The following STEAP1B variants were observed in gnomAD, a reference collection of about 807,000 sequenced individuals.
The protein encoded by STEAP1B is STEAP family member 1B.
In STEAP1B, 13 loss-of-function variants were observed where a neutral mutation model predicts 27.9. The observed-to-expected ratio is 0.47, with a 90% confidence interval of 0.30 to 0.74. The LOEUF (loss-of-function observed/expected upper bound fraction) is 0.74, where lower values mean the gene tolerates loss of function less well. STEAP1B is among the 30% of genes least tolerant of loss of function. STEAP1B has a pLI of 0.06. For missense variants in STEAP1B, 250 were observed against 298.7 expected (o/e 0.84, Z 1.20); for synonymous variants, 86 against 107.1 (o/e 0.80, Z 1.22).
chr7:22,478,376 G>A (rs1014490127), intron 4 of STEAP1B, among the ~76,000 whole-genome samples: 7 of 152,154 alleles, frequency 4.6e-5, no homozygotes, highest in African/African-American at 1.2e-4. Flanking sequence ...CAAGATAAGC[G>A]GTTCTTCCAG....
At chr7:22,457,758 T>G (rs1338343475) in intron 4 of STEAP1B, among the ~76,000 whole-genome samples, 2 of 152,214 alleles carry the variant, frequency 1.3e-5, no homozygotes, top group African/African-American at 4.8e-5. Context: ...ATGGGAAAGT[T>G]TTAAACTTTG....
At chr7:22,421,391 G>A (rs766728354) in intron 4 of STEAP1B, among the ~76,000 whole-genome samples, 1 of 152,242 alleles carries the variant, frequency 6.6e-6, no homozygotes, top group Non-Finnish European at 1.5e-5. Context: ...TGTCTTGTGA[G>A]ACAAATATTT....
At chr7:22,428,839 T>C (rs1327885134) in intron 4 of STEAP1B, among the ~76,000 whole-genome samples, 1 of 152,048 alleles carries the variant, frequency 6.6e-6, no homozygotes, top group Non-Finnish European at 1.5e-5. Flanking sequence ...TACATATGAC[T>C]AAGGTGAGTT....
At chr7:22,484,748 T>C (rs140056002) in intron 4 of STEAP1B, among the ~76,000 whole-genome samples, 1 of 152,322 alleles carries the variant, frequency 6.6e-6, no homozygotes, top group Non-Finnish European at 1.5e-5. Context: ...TCTGGAAAGA[T>C]TTACCATTTT....
At chr7:22,492,397 A>C (rs1310660691) in intron 4 of STEAP1B, 168 bp downstream of exon 4, 2 of 770,522 alleles carry the variant, frequency 2.6e-6, no homozygotes, top group Non-Finnish European at 3.5e-6. Flanking sequence ...TGTCCTAATT[A>C]GAAGCAATAG....
Position 22,493,338 on chromosome 7 carries a change from A to G in STEAP1B, c.583T>C (p.Trp195Arg), listed in dbSNP as rs147204953. Residue 195 changes from tryptophan to arginine, a missense_variant, in exon 3 of 5, where the codon TGG becomes CGG. Physicochemically the swap from Trp to Arg is moderately radical, Grantham distance 101. Transcript: ENST00000678116. Reference sequence around the variant, plus strand: ...TGTCATCTCACCTGTTGATATGCCCAGTTTAGCAACTTGTATCTGTAGGAT... The same window carrying G: ...TGTCATCTCACCTGTTGATATGCCCGGTTTAGCAACTTGTATCTGTAGGAT... Reference protein sequence around the residue: ...RRSYRYKLLNWAYQQVQQNKE... With the variant: ...RRSYRYKLLNRAYQQVQQNKE... 1.2e-6 allele frequency: 2 copies of G among 1,612,376 alleles called. No individual in the cohort carries two copies. The highest frequency in any genetic ancestry group is 1.7e-6 in the Non-Finnish European group (2 of 1,178,506).
chr7:22,461,975 G>T (rs1017137969), intron 4 of STEAP1B, among the ~76,000 whole-genome samples: 1 of 152,186 alleles, frequency 6.6e-6, no homozygotes. Context: ...CGTAGTAAAC[G>T]CTTGGTAATA....
Position 22,419,604 on chromosome 7 carries a change from T to C in STEAP1B, c.*200A>G. ...GATTAGCACAACACATATGGACTTT[T>C]TGTTTGCTCTCTCATGAGTCCGCTG... On this transcript the variant is annotated 3_prime_UTR_variant, in exon 5 of 5. Transcript: ENST00000678116. The C allele has an allele frequency of 2.1e-6, 1 of 476,956 alleles. No homozygotes were observed. The highest frequency in any genetic ancestry group is 3.4e-5 in the East Asian group (1 of 29,326). The allele number at this position is 476,956 out of a possible 1,614,324, so 29.5% of individuals were successfully genotyped here.
At chr7:22,472,447 G>T (rs1785901059) in intron 4 of STEAP1B, among the ~76,000 whole-genome samples, 1 of 152,084 alleles carries the variant, frequency 6.6e-6, no homozygotes, top group South Asian at 2.1e-4. Context: ...CTGCAGGTCA[G>T]TGCTACTCAA....
chr7:22,488,055 A>G (rs1786246221), intron 4 of STEAP1B, among the ~76,000 whole-genome samples: 1 of 152,024 alleles, frequency 6.6e-6, no homozygotes, highest in Non-Finnish European at 1.5e-5. Flanking sequence ...CCCACACGCC[A>G]CCCCAGAAAC....
chr7:22,478,088 G>A (rs1278616804), intron 4 of STEAP1B, among the ~76,000 whole-genome samples: 1 of 152,204 alleles, frequency 6.6e-6, no homozygotes, highest in African/African-American at 2.4e-5. Context: ...TGGGCGCTCA[G>A]GGGAAGTTGC....
At chr7:22,478,245 G>A (rs933463848) in intron 4 of STEAP1B, among the ~76,000 whole-genome samples, 2 of 152,166 alleles carry the variant, frequency 1.3e-5, no homozygotes, top group African/African-American at 4.8e-5. Context: ...AGAAGTCTGG[G>A]GTTTATCTTC....
At chr7:22,440,923 C>T (rs1008179272) in intron 4 of STEAP1B, among the ~76,000 whole-genome samples, 4 of 150,004 alleles carry the variant, frequency 2.7e-5, no homozygotes, top group African/African-American at 7.3e-5. Flanking sequence ...AAAAATTGTG[C>T]TTTAATATTC....
chr7:22,454,322 T>G (rs1279331959), intron 4 of STEAP1B, among the ~76,000 whole-genome samples: 1 of 152,166 alleles, frequency 6.6e-6, no homozygotes, highest in Non-Finnish European at 1.5e-5. Flanking sequence ...TGCAAAGATC[T>G]TATTGGAGAG....
intron 4 of STEAP1B, among the ~76,000 whole-genome samples, chr7:22,481,261 T>C (rs962555250): frequency 5.9e-5 from 9 of 152,128 alleles, no homozygotes; most frequent in African/African-American, 1.9e-4. Flanking sequence ...GCTTCCCCAT[T>C]TACATTTAAT....
intron 4 of STEAP1B, among the ~76,000 whole-genome samples, chr7:22,447,179 G>C (rs2128403478): frequency 6.6e-6 from 1 of 152,212 alleles, no homozygotes. Flanking sequence ...TCTCTTCTGG[G>C]ACATCACTGA....
At chr7:22,425,397 C>A (rs1785093538) in intron 4 of STEAP1B, among the ~76,000 whole-genome samples, 1 of 152,176 alleles carries the variant, frequency 6.6e-6, no homozygotes, top group South Asian at 2.1e-4. Flanking sequence ...CATAGCCCAA[C>A]AGAGCAATTG....
chr7:22,468,316 CTAT>C (rs1056164400), intron 4 of STEAP1B, among the ~76,000 whole-genome samples: 3 of 152,058 alleles, frequency 2.0e-5, no homozygotes, highest in African/African-American at 7.2e-5. Flanking sequence ...AAGGGAGGTA[CTAT>C]TATTACCTCC....
intron 4 of STEAP1B, among the ~76,000 whole-genome samples, chr7:22,466,007 AG>A (rs1465538469): frequency 6.6e-6 from 1 of 152,178 alleles, no homozygotes; most frequent in Non-Finnish European, 1.5e-5. Flanking sequence ...ATGAATCTTC[AG>A]GTTCATTCCC....
Sources: gnomAD v4.1 joint callset for allele counts (sites outside exome capture counted in the v4.1 genomes callset) on GRCh38, gnomAD v4.1.1 for gene constraint, MANE v1.5 for transcripts, NCBI Gene and HGNC (gene_info 2026-07-23, HGNC 2026-07-21) for gene names.